Variants in LUC7L observed in about 807,000 individuals in gnomAD.
The protein encoded by LUC7L is LUC7 like.
A neutral mutation model predicts 51.1 loss-of-function variants in LUC7L; 29 were observed. That is an observed-to-expected ratio of 0.57 (90% confidence interval 0.42 to 0.77). LUC7L has a LOEUF of 0.77. LUC7L is among the 30% of genes least tolerant of loss of function. LUC7L has a pLI of 0.00. For synonymous variants in LUC7L, 181 were observed against 180.7 expected, an observed-to-expected ratio of 1.00 and a Z score of -0.01; for missense variants, 403 against 511.9, an observed-to-expected ratio of 0.79 and a Z score of 2.05.
chr16:215,941 A>G (rs1353053971), intron 3 of LUC7L, among the ~76,000 whole-genome samples: 5 of 151,296 alleles, frequency 3.3e-5, no homozygotes, highest in Admixed American at 2.0e-4. Context: ...GTGATCCTTC[A>G]CTTTTGGCCT....
intron 4 of LUC7L, among the ~76,000 whole-genome samples, chr16:207,212 A>C (rs1203978): frequency 0.58 from 88,084 of 150,750 alleles, 26,888 homozygotes; most frequent in African/African-American, 0.77. Flanking sequence ...AAAAAAAAAA[A>C]AAACCGACAA....
At chr16:189,800 C>CAG in intron 9 of LUC7L, 168 bp downstream of exon 9, 14 of 1,429,970 alleles carry the variant, frequency 9.8e-6, no homozygotes, top group Non-Finnish European at 1.2e-5. Context: ...AGCTCCTCCA[C>CAG]AGCCCTCTCG....
chr16:205,929 G>C (rs2049470939), intron 5 of LUC7L, 75 bp downstream of exon 5: 9 of 1,513,194 alleles, frequency 5.9e-6, no homozygotes. Flanking sequence ...GCAAGCATGG[G>C]CTCAATTAAT....
chr16:220,719 A>G lies in LUC7L; in HGVS notation c.185T>C (p.Ile62Thr). ...ATCTGCTCGGAGGGCCAAGTCGTGG[A>G]TTTTGGTACATTCTCCTAAATCCAT... ...TRMDLGECTK[I>T]HDLALRADYE... The change falls in exon 3 of 10, where the codon ATC becomes ACC. Residue 62 changes from isoleucine to threonine, a missense_variant. Physicochemically the swap from Ile to Thr is moderately conservative, Grantham distance 89. This residue lies in a region of LUC7L where 182 missense variants were observed against 248.4 expected (regional missense o/e 0.73). Coordinates refer to ENST00000293872, the MANE Select transcript of LUC7L (RefSeq NM_201412.3). The G allele has an allele frequency of 6.2e-7, 1 of 1,614,068 alleles. No individual in the cohort carries two copies. Among genetic ancestry groups the G allele is most frequent in the South Asian group, 1.1e-5 (1 of 91,064 alleles).
intron 2 of LUC7L, among the ~76,000 whole-genome samples, chr16:223,082 G>A (rs191721753): frequency 1.8e-4 from 27 of 151,808 alleles, no homozygotes; most frequent in African/African-American, 5.6e-4. Context: ...ATGCTAGGCT[G>A]GGCACGGTGG....
chr16:204,982 G>A (rs545945904), intron 5 of LUC7L, among the ~76,000 whole-genome samples: 79 of 152,260 alleles, frequency 5.2e-4, no homozygotes, highest in Non-Finnish European at 8.7e-4. Flanking sequence ...TGAGTGTCAC[G>A]TGGTGTTTCA....
intron 3 of LUC7L, among the ~76,000 whole-genome samples, chr16:214,274 G>A (rs960389288): frequency 1.3e-5 from 2 of 149,482 alleles, no homozygotes; most frequent in African/African-American, 4.9e-5. Flanking sequence ...CACCATGTTG[G>A]TCAGGCTGGT....
At chr16:224,233 A>G (rs1180701638) in intron 2 of LUC7L, among the ~76,000 whole-genome samples, 2 of 152,102 alleles carry the variant, frequency 1.3e-5, no homozygotes, top group Non-Finnish European at 2.9e-5. Flanking sequence ...AGAAAACCTC[A>G]TGAGGCCGAG....
At chr16:208,755 T>C (rs969882369) in intron 3 of LUC7L, 24 of 396,214 alleles carry the variant, frequency 6.1e-5, no homozygotes, top group African/African-American at 5.0e-4. Flanking sequence ...AAAAATTGGT[T>C]GCTATTTACC....
At chr16:226,958 C>A (rs1462920466) in intron 2 of LUC7L, among the ~76,000 whole-genome samples, 1 of 152,114 alleles carries the variant, frequency 6.6e-6, no homozygotes, top group Non-Finnish European at 1.5e-5. Context: ...CCTGTAGTAC[C>A]AGCTGCTCAA....
chr16:199,776 A>G (rs796891117), intron 5 of LUC7L, among the ~76,000 whole-genome samples: 1 of 150,688 alleles, frequency 6.6e-6, no homozygotes, highest in African/African-American at 2.4e-5. Context: ...AAAAAAAAAA[A>G]AAAGAGAGAT....
At chr16:222,329 G>GAA (rs35172319) in intron 2 of LUC7L, among the ~76,000 whole-genome samples, 2,642 of 115,824 alleles carry the variant, frequency 0.023, 86 homozygotes, top group African/African-American at 0.072. Context: ...TACATAACCA[G>GAA]AAAAAAAAAA....
In LUC7L at chr16:202,028, G is replaced by A. The variant is rs2049348612; in HGVS notation, c.511-2790C>T. Among the ~76,000 whole-genome samples the A allele has an allele frequency of 2.0e-5, 3 of 152,062 alleles. No homozygotes were observed. The South Asian group carries it at 6.2e-4, about 32-fold the overall frequency. On this transcript the variant is annotated intron_variant, in intron 5 of 9. Coordinates refer to ENST00000293872, the MANE Select transcript of LUC7L (RefSeq NM_201412.3). ...CAAAGTGCTGGGATTACAGGCATGA[G>A]CAACCGTGCCCGGCCATATTTTTAA...
chr16:204,620 T>C (rs983782199), intron 5 of LUC7L, among the ~76,000 whole-genome samples: 3 of 151,582 alleles, frequency 2.0e-5, no homozygotes, highest in Non-Finnish European at 4.4e-5. Flanking sequence ...GAGAAAATTA[T>C]AAGGAAGAGA....
chr16:209,840 T>A (rs1319808421), intron 3 of LUC7L: 2 of 152,094 alleles, frequency 1.3e-5, no homozygotes, highest in African/African-American at 4.8e-5. Flanking sequence ...TCTTAAATAT[T>A]TTTTTCAAAA....
At chr16:190,954 A>G (rs572303090) in intron 7 of LUC7L, among the ~76,000 whole-genome samples, 2 of 152,072 alleles carry the variant, frequency 1.3e-5, no homozygotes, top group East Asian at 3.9e-4. Context: ...AGGACTCCAA[A>G]TTTAAGAAGT....
At chr16:221,461 G>A (rs990835031) in intron 2 of LUC7L, among the ~76,000 whole-genome samples, 1 of 152,072 alleles carries the variant, frequency 6.6e-6, no homozygotes, top group African/African-American at 2.4e-5. Context: ...CAGCACTTTG[G>A]GAGGGTGAGG....
chr16:196,467 C>T (rs992392042), intron 6 of LUC7L, among the ~76,000 whole-genome samples: 3 of 152,030 alleles, frequency 2.0e-5, no homozygotes, highest in African/African-American at 2.4e-5. Flanking sequence ...AAATTCTGAG[C>T]TGTGAAATGA....
chr16:206,213 G>C, intron 4 of LUC7L, 66 bp from the exon 5 acceptor site: 1 of 1,478,834 alleles, frequency 6.8e-7, no homozygotes, highest in South Asian at 1.2e-5. Context: ...GGCAACAAGG[G>C]TTTCTCCTGC....
Sources: gnomAD v4.1 joint callset for allele counts (sites outside exome capture counted in the v4.1 genomes callset) on GRCh38, gnomAD v4.1.1 for gene constraint, gnomAD v4.1.1 regional missense constraint, MANE v1.5 for transcripts, NCBI Gene and HGNC (gene_info 2026-07-23, HGNC 2026-07-21) for gene names.